CCDC180: variants seen among roughly 807,000 people sequenced by gnomAD.
CCDC180 encodes coiled-coil domain containing 180.
A neutral mutation model predicts 209.2 loss-of-function variants in CCDC180; 154 were observed. The ratio of observed to expected loss-of-function variants is 0.74; its 90% confidence interval spans 0.65 to 0.84. CCDC180 has a LOEUF of 0.84. CCDC180 is among the 40% of genes least tolerant of loss of function. CCDC180 has a pLI of 0.00. For synonymous variants in CCDC180, 778 were observed against 749.1 expected (o/e 1.04, Z -0.63); for missense variants, 1,874 against 1,997.3 (o/e 0.94, Z 1.18).
chr9:97,314,323 A>T, intron 5 of CCDC180, 70 bp from the exon 6 acceptor site: 1 of 1,582,112 alleles, frequency 6.3e-7, no homozygotes, highest in Non-Finnish European at 8.7e-7. Context: ...CACTTCCCCC[A>T]TGACAGGGAA....
At chr9:97,362,052 G>A (rs1283891367) in intron 27 of CCDC180, 144 bp from the exon 28 acceptor site, 3 of 1,383,140 alleles carry the variant, frequency 2.2e-6, no homozygotes, top group Non-Finnish European at 3.0e-6. Context: ...CCCACCCAGA[G>A]CCCCAGTTTC....
chr9:97,310,090 T>C (rs1832932917), intron 3 of CCDC180, among the ~76,000 whole-genome samples: 1 of 152,230 alleles, frequency 6.6e-6, no homozygotes, highest in African/African-American at 2.4e-5. Flanking sequence ...GGGAGCAGCC[T>C]TTCAGGCCAC....
At chr9:97,349,371 C>G (rs1826361265) in intron 21 of CCDC180, 80 bp downstream of exon 21, 13 of 1,275,720 alleles carry the variant, frequency 1.0e-5, no homozygotes, top group Non-Finnish European at 1.4e-5. Context: ...AGGAGCCCCC[C>G]TCCCTGTAGA....
chr9:97,354,895 A>G lies in CCDC180; in HGVS notation c.3151A>G (p.Asn1051Asp). The G allele has an allele frequency of 1.9e-6, 3 of 1,610,654 alleles. No individual in the cohort carries two copies. Among genetic ancestry groups the G allele is most frequent in the Non-Finnish European group, 2.5e-6 (3 of 1,176,790 alleles). Residue 1051 changes from asparagine to aspartate, a missense_variant, in exon 24 of 37, where the codon AAT becomes GAT. Physicochemically the swap from Asn to Asp is conservative, Grantham distance 23 (BLOSUM62 1). Transcript: ENST00000529487. ...KLENEYLDQA[N>D]DVINKFESKF... ...TACCCTTTATCTCTCTGTACAGGCC[A>G]ATGATGTCATCAACAAGTTTGAAAG... is the stretch of plus-strand genomic sequence containing the variant.
At chr9:97,359,428 G>A (rs1213632894) in intron 25 of CCDC180, among the ~76,000 whole-genome samples, 1 of 152,196 alleles carries the variant, frequency 6.6e-6, no homozygotes, top group Non-Finnish European at 1.5e-5. Flanking sequence ...CTGCAGAGCG[G>A]TGATTAGGGG....
In CCDC180 at chr9:97,376,830, A is replaced by T. The variant is rs1186609014; in HGVS notation, c.4910A>T (p.Glu1637Val). The change falls in exon 37 of 37, where the codon GAG becomes GTG. Residue 1637 changes from glutamate to valine, a missense_variant. By Grantham distance (121) the Glu-to-Val change is moderately radical. Transcript: ENST00000529487. ...GATGACTGTACATCTCAGATAAAGG[A>T]GGCTCAGCGCTGGAAGGACAGCTGG... ...IQDDCTSQIKEAQRWKDSWKQ... is the reference protein window; with the variant it reads ...IQDDCTSQIKVAQRWKDSWKQ... 35 of 1,613,388 alleles carry T rather than the reference A, an allele frequency of 2.2e-5. No individual in the cohort carries two copies. The highest frequency in any genetic ancestry group is 3.0e-5 in the Non-Finnish European group (35 of 1,179,968).
intron 35 of CCDC180, 29 bp downstream of exon 35, chr9:97,374,677 G>A (rs1827194961): frequency 6.4e-7 from 1 of 1,551,498 alleles, no homozygotes; most frequent in Non-Finnish European, 8.9e-7. Flanking sequence ...AAGGACTACT[G>A]TAAATGGCTG....
chr9:97,326,539 G>C lies in CCDC180; in HGVS notation c.1546-15G>C. On this transcript the variant is annotated splice_polypyrimidine_tract_variant and intron_variant, in intron 14 of 36. Transcript: ENST00000529487. ...GGTCACATCTGCTTCCTCTTGTTTT[G>C]GGGGTGGCTTCCAGGTGCAGGAGGC... The C allele has an allele frequency of 2.0e-6, 3 of 1,491,550 alleles. No individual in the cohort carries two copies. 92.4% of individuals were successfully genotyped at this position (1,491,550 alleles called of 1,614,324 possible).
intron 2 of CCDC180, 54 bp downstream of exon 2, chr9:97,308,186 C>A: frequency 1.3e-5 from 19 of 1,475,504 alleles, no homozygotes; most frequent in Non-Finnish European, 1.7e-5. Context: ...TTGCTTTCTT[C>A]CAAACTTCCC....
At chr9:97,322,400 G>A (rs920981264) in intron 11 of CCDC180, among the ~76,000 whole-genome samples, 8 of 152,268 alleles carry the variant, frequency 5.3e-5, no homozygotes, top group Middle Eastern at 3.4e-3. Flanking sequence ...TTATAAGCTG[G>A]GAAACTGAAG....
At chr9:97,348,128 G>A (rs1278637794) in intron 20 of CCDC180, among the ~76,000 whole-genome samples, 2 of 130,280 alleles carry the variant, frequency 1.5e-5, no homozygotes, top group African/African-American at 2.9e-5. Context: ...GCGGGGGGGG[G>A]GCATGTTTTC....
intron 33 of CCDC180, 32 bp downstream of exon 33, chr9:97,370,810 C>T (rs760160718): frequency 2.5e-5 from 40 of 1,609,862 alleles, no homozygotes; most frequent in Non-Finnish European, 3.2e-5. Context: ...CCAGTCCAGG[C>T]ATGCTCCAAA....
chr9:97,356,018 G>T (rs928147317), intron 24 of CCDC180, among the ~76,000 whole-genome samples: 1 of 152,110 alleles, frequency 6.6e-6, no homozygotes, highest in Non-Finnish European at 1.5e-5. Context: ...TTCGAGGGTG[G>T]GGGTCCTGGC....
chr9:97,332,466 G>A (rs2118702530), intron 18 of CCDC180, among the ~76,000 whole-genome samples: 1 of 152,232 alleles, frequency 6.6e-6, no homozygotes, highest in Middle Eastern at 3.4e-3. Flanking sequence ...GAGCAGTATG[G>A]CCATTTTAAA....
intron 18 of CCDC180, among the ~76,000 whole-genome samples, chr9:97,333,810 T>C (rs1825822850): frequency 6.7e-6 from 1 of 150,028 alleles, no homozygotes; most frequent in Non-Finnish European, 1.5e-5. Context: ...GCTTTTCATT[T>C]TTAAAACATT....
chr9:97,335,542 T>A (rs1308645085), intron 18 of CCDC180, among the ~76,000 whole-genome samples: 1 of 152,232 alleles, frequency 6.6e-6, no homozygotes, highest in Non-Finnish European at 1.5e-5. Context: ...TATTCCATGG[T>A]GTACATGTGC....
intron 1 of CCDC180, 73 bp downstream of exon 1, chr9:97,307,879 A>T: frequency 6.2e-7 from 1 of 1,602,172 alleles, no homozygotes; most frequent in Non-Finnish European, 8.5e-7. Context: ...CCCAGCAGAG[A>T]GTCCTTCCCC....
chr9:97,341,473 C>G (rs1230828489), intron 18 of CCDC180, among the ~76,000 whole-genome samples: 1 of 152,164 alleles, frequency 6.6e-6, no homozygotes, highest in Non-Finnish European at 1.5e-5. Flanking sequence ...GAGGTCCACT[C>G]CAGACCCTGT....
chr9:97,332,436 T>A (rs1825783590), intron 18 of CCDC180, among the ~76,000 whole-genome samples: 1 of 152,208 alleles, frequency 6.6e-6, no homozygotes. Context: ...AGGAATAGCA[T>A]CAAATCTGTA....
Sources: gnomAD v4.1 joint callset for allele counts (sites outside exome capture counted in the v4.1 genomes callset) on GRCh38, gnomAD v4.1.1 for gene constraint, MANE v1.5 for transcripts, NCBI Gene and HGNC (gene_info 2026-07-23, HGNC 2026-07-21) for gene names.